C8orf88: variants seen among roughly 807,000 people sequenced by gnomAD.
C8orf88 encodes chromosome 8 open reading frame 88.
A neutral mutation model predicts 18.4 loss-of-function variants in C8orf88; 14 were observed. That is an observed-to-expected ratio of 0.76 (90% CI 0.50 to 1.19). C8orf88 has a LOEUF of 1.19. C8orf88 is among the 50% of genes most tolerant of loss of function. The pLI, the probability that C8orf88 is intolerant of heterozygous loss-of-function variation, is 0.00. For missense variants in C8orf88, 116 were observed against 134.7 expected (o/e 0.86, Z 0.69); for synonymous variants, 45 against 42.9 (o/e 1.05, Z -0.19).
chr8:90,981,361 T>C (rs1377460104), intron 1 of C8orf88, among the ~76,000 whole-genome samples: 1 of 152,178 alleles, frequency 6.6e-6, no homozygotes, highest in Non-Finnish European at 1.5e-5. Flanking sequence ...TCACCATATA[T>C]TTGGACATTC....
chr8:90,967,840 T>C (rs1476507209), intron 4 of C8orf88, among the ~76,000 whole-genome samples: 1 of 151,744 alleles, frequency 6.6e-6, no homozygotes, highest in Non-Finnish European at 1.5e-5. Context: ...TCAAAAAGAA[T>C]ACAGTACTTA....
In C8orf88 at chr8:90,958,631, C is replaced by T; in HGVS notation, c.*376G>A. On this transcript the variant is annotated 3_prime_UTR_variant, in exon 6 of 6. Coordinates refer to ENST00000517562, the MANE Select transcript of C8orf88 (RefSeq NM_001190972.2). ...TTAAAAGCAACAAGCAATTATGTACCATATATACACTGTAGCAAATATTTT... is the reference window on the plus strand; with the variant it reads ...TTAAAAGCAACAAGCAATTATGTACTATATATACACTGTAGCAAATATTTT... The T allele has an allele frequency of 4.9e-6, 1 of 203,408 alleles. No homozygotes were observed. 12.6% of individuals were successfully genotyped at this position (203,408 alleles called of 1,614,324 possible).
rs1357588047 is a variant in C8orf88 at position 90,971,135 on chromosome 8, T to C, written c.154A>G (p.Thr52Ala). The C allele has an allele frequency of 2.0e-6, 3 of 1,503,056 alleles. No individual in the cohort carries two copies. The highest frequency in any genetic ancestry group is 2.8e-5 in the African/African-American group (2 of 71,806). The allele number at this position is 1,503,056 out of a possible 1,614,324, so 93.1% of individuals were successfully genotyped here. Residue 52 changes from threonine to alanine, a missense_variant, in exon 4 of 6, where the codon ACG (threonine) becomes GCG (alanine). By Grantham distance (58) the Thr-to-Ala change is moderately conservative (BLOSUM62 0). Coordinates refer to ENST00000517562, the MANE Select transcript of C8orf88 (RefSeq NM_001190972.2). ...TGAGAAAAGGCTTGCATTCCATTCGTCTTACACTGTTAAACATGAAGAAAA... is the reference window on the plus strand; with the variant it reads ...TGAGAAAAGGCTTGCATTCCATTCGCCTTACACTGTTAAACATGAAGAAAA... Reference protein sequence around the residue: ...CIQSGVSRCKTNGMQAFSQGL... With the variant: ...CIQSGVSRCKANGMQAFSQGL...
At chr8:90,974,860 G>A (rs1034845356) in intron 3 of C8orf88, among the ~76,000 whole-genome samples, 3 of 152,076 alleles carry the variant, frequency 2.0e-5, no homozygotes, top group African/African-American at 7.2e-5. Context: ...ATAAGCACAA[G>A]AATGTAAGGG....
At chr8:90,961,109 T>C (rs74962623) in intron 4 of C8orf88, among the ~76,000 whole-genome samples, 1 of 151,422 alleles carries the variant, frequency 6.6e-6, no homozygotes, top group African/African-American at 2.4e-5. Context: ...GCTTTTTTCA[T>C]CTGGTTATTC....
At chr8:90,976,989 A>G (rs976255000) in intron 3 of C8orf88, among the ~76,000 whole-genome samples, 1 of 152,194 alleles carries the variant, frequency 6.6e-6, no homozygotes, top group African/African-American at 2.4e-5. Context: ...CACATAAAAA[A>G]TGACTCTCTA....
chr8:90,968,135 A>G (rs1376610336), intron 4 of C8orf88, among the ~76,000 whole-genome samples: 1 of 151,752 alleles, frequency 6.6e-6, no homozygotes, highest in East Asian at 1.9e-4. Context: ...GAAAAAGAAC[A>G]AAGTTAGAAG....
At chr8:90,960,695 A>C in intron 5 of C8orf88, 47 bp downstream of exon 5, 1 of 1,097,280 alleles carries the variant, frequency 9.1e-7, no homozygotes, top group Non-Finnish European at 1.3e-6. Flanking sequence ...TTAAAGAAAA[A>C]TATTTTGTAA....
chr8:90,964,956 G>T (rs1434207567), intron 4 of C8orf88, among the ~76,000 whole-genome samples: 1 of 151,060 alleles, frequency 6.6e-6, no homozygotes, highest in Non-Finnish European at 1.5e-5. Flanking sequence ...TATAATGGAG[G>T]AATTAAGTAA....
Position 90,963,316 on chromosome 8 carries a change from A to G in C8orf88, c.224-2468T>C. On this transcript the variant is annotated intron_variant, in intron 4 of 5. Coordinates refer to ENST00000517562, the MANE Select transcript of C8orf88 (RefSeq NM_001190972.2). ...TCACTAAGCTAACAACAACTACTACAACAAAGAGCAACAACAAACCCAAGG... is the reference window on the plus strand; with the variant it reads ...TCACTAAGCTAACAACAACTACTACGACAAAGAGCAACAACAAACCCAAGG... 1.3e-5 allele frequency among the ~76,000 whole-genome samples: 2 copies of G among 151,706 alleles called. 1 individual carries two copies. Among genetic ancestry groups the G allele is most frequent in the South Asian group, 4.1e-4 (2 of 4,824 alleles).
At chr8:90,976,076 C>G (rs1026076608) in intron 3 of C8orf88, among the ~76,000 whole-genome samples, 1 of 151,946 alleles carries the variant, frequency 6.6e-6, no homozygotes, top group Admixed American at 6.6e-5. Context: ...ACTTATCTAT[C>G]ATTAAAAGAA....
At chr8:90,981,911 C>A (rs1472971623) in intron 1 of C8orf88, among the ~76,000 whole-genome samples, 1 of 152,068 alleles carries the variant, frequency 6.6e-6, no homozygotes, top group Non-Finnish European at 1.5e-5. Context: ...TTAAGCAAAT[C>A]ATAAGTCTAA....
chr8:90,966,925 G>A (rs756772962), intron 4 of C8orf88, among the ~76,000 whole-genome samples: 8 of 151,956 alleles, frequency 5.3e-5, no homozygotes, highest in East Asian at 1.9e-4. Context: ...TTGAACTATC[G>A]TAAAATCAAA....
intron 1 of C8orf88, among the ~76,000 whole-genome samples, chr8:90,982,581 G>T (rs993379209): frequency 1.3e-5 from 2 of 151,880 alleles, no homozygotes; most frequent in African/African-American, 4.8e-5. Flanking sequence ...CAAGAGTTGG[G>T]GATTACAGAA....
chr8:90,984,572 A>ATTT (rs140002018), intron 1 of C8orf88, among the ~76,000 whole-genome samples: 1 of 150,300 alleles, frequency 6.7e-6, no homozygotes, highest in African/African-American at 2.4e-5. Flanking sequence ...AACTAATTTA[A>ATTT]TTTTTTTTTT....
chr8:90,969,700 T>A (rs1811256854), intron 4 of C8orf88, among the ~76,000 whole-genome samples: 1 of 151,852 alleles, frequency 6.6e-6, no homozygotes, highest in African/African-American at 2.4e-5. Context: ...ATAAAAATGT[T>A]CTGAAATTGG....
intron 4 of C8orf88, among the ~76,000 whole-genome samples, chr8:90,961,725 G>C (rs890712673): frequency 1.3e-5 from 2 of 151,000 alleles, no homozygotes; most frequent in Non-Finnish European, 3.0e-5. Flanking sequence ...TTTTCTCTAA[G>C]TTTTATTTTA....
chr8:90,967,143 T>G (rs1811212575), intron 4 of C8orf88, among the ~76,000 whole-genome samples: 1 of 151,878 alleles, frequency 6.6e-6, no homozygotes, highest in African/African-American at 2.4e-5. Flanking sequence ...TGGCGTGTTG[T>G]GTTTTGTCAA....
chr8:90,967,964 A>G (rs924198071), intron 4 of C8orf88, among the ~76,000 whole-genome samples: 1 of 151,834 alleles, frequency 6.6e-6, no homozygotes, highest in Non-Finnish European at 1.5e-5. Flanking sequence ...ATGGATTGTC[A>G]GATTTAATAT....
Sources: gnomAD v4.1 joint callset for allele counts (sites outside exome capture counted in the v4.1 genomes callset) on GRCh38, gnomAD v4.1.1 for gene constraint, MANE v1.5 for transcripts, NCBI Gene and HGNC (gene_info 2026-07-23, HGNC 2026-07-21) for gene names.